B3GAT3: variants seen among roughly 807,000 people sequenced by gnomAD.
The protein encoded by B3GAT3 is galactosylgalactosylxylosylprotein 3-beta-glucuronosyltransferase 3.
B3GAT3 carries 19 observed loss-of-function variants against 33.1 expected under a neutral mutation model. The ratio of observed to expected loss-of-function variants is 0.57; its 90% confidence interval spans 0.40 to 0.84. The LOEUF is 0.84. Ranked by LOEUF, B3GAT3 falls within the 40% of genes least tolerant of loss-of-function variation. The pLI is 0.00. For missense variants in B3GAT3, 344 were observed against 441.5 expected (o/e 0.78, Z 1.98); for synonymous variants, 167 against 193.5 (o/e 0.86, Z 1.14).
rs779358273 is a variant in B3GAT3 at position 62,617,248 on chromosome 11, C to A, written c.357G>T (p.Pro119=). ...AGGCAGCCAGCAGCCCTGAGACCAG[C>A]GGGGTGGGACCCTCAGCATCCTCCA... ...LLVEDAEGPT[P]LVSGLLAASG... The change falls in exon 3 of 5, where the codon CCG becomes CCT. Residue 119 remains proline, a synonymous_variant. Transcript: ENST00000265471. 2 of 1,613,060 alleles carry A rather than the reference C, an allele frequency of 1.2e-6. No individual in the cohort carries two copies. The highest frequency in any genetic ancestry group is 1.7e-6 in the Non-Finnish European group (2 of 1,179,796).
At position 62,615,434 on chromosome 11, in the gene B3GAT3, C is replaced by G; in HGVS notation, c.*267G>C. On this transcript the variant is annotated 3_prime_UTR_variant, in exon 5 of 5. Transcript: ENST00000265471. Reference sequence around the variant, plus strand: ...CCCAGTTACTCAGCTGCCCTCCCTCCTGGGTCCATCTGTCCTTCTGTTCCA... The same window carrying G: ...CCCAGTTACTCAGCTGCCCTCCCTCGTGGGTCCATCTGTCCTTCTGTTCCA... The G allele has an allele frequency of 1.7e-6, 1 of 594,504 alleles. No homozygotes were observed. Among genetic ancestry groups the G allele is most frequent in the Admixed American group, 3.0e-5 (1 of 33,250 alleles). The allele number at this position is 594,504 out of a possible 1,614,324, so 36.8% of individuals were successfully genotyped here. A position where few individuals can be genotyped will look rare whatever the true frequency, so the allele number is the denominator to read the frequency against.
At chr11:62,620,431 A>G in intron 2 of B3GAT3, 66 bp downstream of exon 2, 1 of 1,516,748 alleles carries the variant, frequency 6.6e-7, no homozygotes, top group Non-Finnish European at 9.1e-7. Context: ...TGCCTCCCCA[A>G]ACTCCTCATC....
Position 62,616,529 on chromosome 11 carries a change from G to A in B3GAT3, c.886C>T (p.Pro296Ser). The A allele has an allele frequency of 6.2e-7, 1 of 1,614,206 alleles. No homozygotes were observed. Among genetic ancestry groups the A allele is most frequent in the Non-Finnish European group, 8.5e-7 (1 of 1,180,044 alleles). The change falls in exon 4 of 5, where the codon CCA becomes TCA. Residue 296 changes from proline (P) to serine (S), a missense_variant. Physicochemically the swap from Pro to Ser is moderately conservative, Grantham distance 74. Transcript: ENST00000265471. ...ACCCGAGTGCAGTTGGCAGCCCGTG[G>A]CTCCAGGTCCTTGGGATCCACAAGG... ...SHLVDPKDLEPRAANCTRVLV... is the reference protein window; with the variant it reads ...SHLVDPKDLESRAANCTRVLV...
Position 62,616,589 on chromosome 11 carries a change from G to A in B3GAT3, c.826C>T (p.Pro276Ser), listed in dbSNP as rs781715246. 6.2e-7 allele frequency: 1 copy of A among 1,614,254 alleles called. No homozygotes were observed. The highest frequency in any genetic ancestry group is 8.5e-7 in the Non-Finnish European group (1 of 1,180,050). The change falls in exon 4 of 5, where the codon CCC (proline) becomes TCC (serine). Residue 276 changes from proline to serine, a missense_variant. Transcript: ENST00000265471. Reference protein sequence around the residue: ...KPNAQFDSTAPRGHLESSLLS... With the variant: ...KPNAQFDSTASRGHLESSLLS... ...AGACTGCTCTCCAGGTGGCCCCGGG[G>A]AGCGGTGGAATCAAATTGGGCATTG... is the stretch of plus-strand genomic sequence containing the variant.
At chr11:62,617,896 C>T (rs7122950) in intron 2 of B3GAT3, among the ~76,000 whole-genome samples, 32,452 of 148,998 alleles carry the variant, frequency 0.22, 3,981 homozygotes, top group Non-Finnish European at 0.29. Context: ...AAAAAAAAGG[C>T]CGGGCATGTT....
chr11:62,621,240 A>C (rs768115340), intron 1 of B3GAT3: 14 of 456,728 alleles, frequency 3.1e-5, no homozygotes, highest in South Asian at 1.9e-4. Context: ...AGGGAACAAA[A>C]CAGACACAGT....
At position 62,615,477 on chromosome 11, in the gene B3GAT3, C is replaced by T. The variant is rs1590772516; in HGVS notation, c.*224G>A. ...CTGTTCCACCCTAGACAGGGCCAAC[C>T]TGACTCAACACAAGGGCTGCTTGTC... On this transcript the variant is annotated 3_prime_UTR_variant, in exon 5 of 5. Transcript: ENST00000265471. 3.8e-6 allele frequency: 3 copies of T among 798,526 alleles called. No homozygotes were observed. The highest frequency in any genetic ancestry group is 5.9e-6 in the Non-Finnish European group (3 of 510,710). 49.5% of individuals were successfully genotyped at this position (798,526 alleles called of 1,614,324 possible).
chr11:62,616,287 T>G (rs966439869), intron 4 of B3GAT3: 1 of 659,054 alleles, frequency 1.5e-6, no homozygotes, highest in African/African-American at 1.8e-5. Context: ...TCCTTCATCC[T>G]CTCTGTGCCA....
At chr11:62,618,243 G>A (rs1943074372) in intron 2 of B3GAT3, among the ~76,000 whole-genome samples, 1 of 151,418 alleles carries the variant, frequency 6.6e-6, no homozygotes, top group South Asian at 2.1e-4. Context: ...GGTAGATCTG[G>A]GTTTGAAATC....
In B3GAT3 at chr11:62,620,649, A is replaced by G; in HGVS notation, c.105T>C (p.Pro35=). 6.2e-7 allele frequency: 1 copy of G among 1,611,686 alleles called. No homozygotes were observed. The highest frequency in any genetic ancestry group is 8.5e-7 in the Non-Finnish European group (1 of 1,178,420). The change falls in exon 2 of 5, where the codon CCT becomes CCC. Residue 35 remains proline (P), a synonymous_variant. Transcript: ENST00000265471. ...GCTGCTCGGCTGCTGCCCGCAGGGG[A>G]GGAAGGCAGTCACATGGCTGGCCTG... ...VQLGQPCDCL[P]PLRAAAEQLR... is the part of the protein sequence containing the mutation.
chr11:62,620,452 A>C, intron 2 of B3GAT3, 45 bp downstream of exon 2: 1 of 1,594,174 alleles, frequency 6.3e-7, no homozygotes, highest in Non-Finnish European at 8.6e-7. Context: ...ATCAACTCCA[A>C]CTTCTTGGAC....
At position 62,615,637 on chromosome 11, in the gene B3GAT3, G is replaced by A. The variant is rs879233058; in HGVS notation, c.*64C>T. On this transcript the variant is annotated 3_prime_UTR_variant, in exon 5 of 5. Coordinates refer to ENST00000265471, the MANE Select transcript of B3GAT3 (RefSeq NM_012200.4). ...ACTTGGAAAACCACATCCTGGGCAG[G>A]CCTGGGGCCCAGTCCCACAAGGTCT... is the stretch of plus-strand genomic sequence containing the variant. The A allele has an allele frequency of 2.5e-5, 40 of 1,575,566 alleles. No homozygotes were observed. In the South Asian group the frequency reaches 3.8e-4, roughly 15 times the overall value.
At chr11:62,618,386 G>A (rs1943075903) in intron 2 of B3GAT3, among the ~76,000 whole-genome samples, 1 of 152,110 alleles carries the variant, frequency 6.6e-6, no homozygotes, top group Non-Finnish European at 1.5e-5. Flanking sequence ...ATAAGAGCTG[G>A]GGATGGTGGC....
intron 2 of B3GAT3, among the ~76,000 whole-genome samples, chr11:62,618,053 T>C (rs2134432198): frequency 6.6e-6 from 1 of 151,986 alleles, no homozygotes; most frequent in East Asian, 1.9e-4. Flanking sequence ...GGCAGTCACC[T>C]GTAATCCTAG....
intron 4 of B3GAT3, 159 bp downstream of exon 4, chr11:62,616,347 G>A (rs955500552): frequency 2.7e-5 from 29 of 1,083,782 alleles, no homozygotes; most frequent in Admixed American, 2.6e-4. Context: ...ACTTTCCCCC[G>A]CTAGTTCCCA....
intron 1 of B3GAT3, chr11:62,621,120 T>C (rs1943135727): frequency 2.2e-6 from 1 of 459,518 alleles, no homozygotes; most frequent in East Asian, 6.9e-5. Context: ...ATCCATTCCC[T>C]TGGCTAGGTG....
chr11:62,619,105 C>G (rs1298707454), intron 2 of B3GAT3, among the ~76,000 whole-genome samples: 1 of 151,556 alleles, frequency 6.6e-6, no homozygotes, highest in Non-Finnish European at 1.5e-5. Context: ...GAGCCAAGAT[C>G]ACACCACTGC....
intron 2 of B3GAT3, among the ~76,000 whole-genome samples, chr11:62,619,045 G>C (rs1943090814): frequency 6.6e-6 from 1 of 151,934 alleles, no homozygotes; most frequent in African/African-American, 2.4e-5. Flanking sequence ...CAGCTACTCG[G>C]GAGGCTGAGG....
chr11:62,618,193 A>C lies in B3GAT3; in HGVS notation c.258-846T>G, dbSNP rs1163811031. On this transcript the variant is annotated intron_variant, in intron 2 of 4. Transcript: ENST00000265471. The stretch of plus-strand genomic sequence containing the variant: ...ACTCTGTCTCAAAAAAAAAAAAAAA[A>C]AAAAAAAAAAACAAATTAAGGGCAC... Among the ~76,000 whole-genome samples, 6 of 150,988 alleles carry C rather than the reference A, an allele frequency of 4.0e-5. No individual in the cohort carries two copies. In the East Asian group the frequency reaches 1.0e-3, roughly 25 times the overall value.
Sources: gnomAD v4.1 joint callset for allele counts (sites outside exome capture counted in the v4.1 genomes callset) on GRCh38, gnomAD v4.1.1 for gene constraint, MANE v1.5 for transcripts, NCBI Gene and HGNC (gene_info 2026-07-23, HGNC 2026-07-21) for gene names.